CAMK2D: variants seen among roughly 807,000 people sequenced by gnomAD.
CAMK2D encodes calcium/calmodulin dependent protein kinase II delta.
In CAMK2D, 37 loss-of-function variants were observed where a neutral mutation model predicts 84.0. That is an observed-to-expected ratio of 0.44 (90% CI 0.34 to 0.58). The LOEUF (loss-of-function observed/expected upper bound fraction) is 0.58, where lower values mean the gene tolerates loss of function less well. CAMK2D is among the 20% of genes least tolerant of loss of function. CAMK2D has a pLI of 0.02. For missense variants in CAMK2D, 448 were observed against 652.5 expected (o/e 0.69, Z 3.41); for synonymous variants, 202 against 212.5 (o/e 0.95, Z 0.43).
intron 3 of CAMK2D, among the ~76,000 whole-genome samples, chr4:113,625,087 A>T (rs185955136): frequency 6.6e-6 from 1 of 152,304 alleles, no homozygotes; most frequent in Non-Finnish European, 1.5e-5. Flanking sequence ...GAGCAGATAC[A>T]GGAGGTAGCA....
intron 3 of CAMK2D, among the ~76,000 whole-genome samples, chr4:113,612,056 G>C (rs907873576): frequency 6.6e-6 from 1 of 151,814 alleles, no homozygotes; most frequent in East Asian, 1.9e-4. Flanking sequence ...TGAAAAAACA[G>C]AATTATAAGA....
In CAMK2D at chr4:113,542,912, T is replaced by C. The variant is rs562327597; in HGVS notation, c.414+4732A>G. On this transcript the variant is annotated intron_variant, in intron 6 of 20. Transcript: ENST00000511664. The stretch of plus-strand genomic sequence containing the variant: ...TCATCTATCCATCCGTCCAATGACA[T>C]TTCCATTAAGTAATGTTCTTCTGAA... Among the ~76,000 whole-genome samples, 4 of 152,300 alleles carry C rather than the reference T, an allele frequency of 2.6e-5. No homozygotes were observed. The East Asian group carries it at 5.8e-4, about 22-fold the overall frequency.
intron 1 of CAMK2D, among the ~76,000 whole-genome samples, chr4:113,759,986 A>G (rs549746889): frequency 6.6e-6 from 1 of 152,236 alleles, no homozygotes; most frequent in Non-Finnish European, 1.5e-5. Context: ...TTTTAACACC[A>G]GACAATATAT....
intron 2 of CAMK2D, among the ~76,000 whole-genome samples, chr4:113,694,086 T>C (rs1253644643): frequency 6.6e-6 from 1 of 152,186 alleles, no homozygotes; most frequent in Non-Finnish European, 1.5e-5. Context: ...TCATTATCCA[T>C]ATCAGCTAAC....
rs140347648 is a variant in CAMK2D, at chr4:113,559,691, G to A, written c.276-7595C>T. Among the ~76,000 whole-genome samples the A allele has an allele frequency of 2.6e-5, 4 of 152,340 alleles. No homozygotes were observed. In the East Asian group the frequency reaches 5.8e-4, roughly 22 times the overall value. On this transcript the variant is annotated intron_variant, in intron 4 of 20. Coordinates refer to ENST00000511664, the MANE Select transcript of CAMK2D (RefSeq NM_001321571.2). Reference sequence around the variant, plus strand: ...ATCACAGTTAAATTGTGTTTCACACGTTAATTGGGATGAAATCGTTTCTGT... The same window carrying A: ...ATCACAGTTAAATTGTGTTTCACACATTAATTGGGATGAAATCGTTTCTGT...
chr4:113,663,927 A>G (rs1461590970), intron 2 of CAMK2D, among the ~76,000 whole-genome samples: 2 of 152,110 alleles, frequency 1.3e-5, no homozygotes, highest in Non-Finnish European at 2.9e-5. Flanking sequence ...ATGTGACTGT[A>G]TTTGGAGATG....
intron 4 of CAMK2D, among the ~76,000 whole-genome samples, chr4:113,579,189 G>A (rs1335522619): frequency 6.6e-6 from 1 of 152,202 alleles, no homozygotes; most frequent in Non-Finnish European, 1.5e-5. Context: ...TCTGTAAGCA[G>A]AAATGGCTAG....
chr4:113,643,049 T>C lies in CAMK2D; in HGVS notation c.220+18664A>G, dbSNP rs148055376. On this transcript the variant is annotated intron_variant, in intron 3 of 20. Coordinates refer to ENST00000511664, the MANE Select transcript of CAMK2D (RefSeq NM_001321571.2). Reference sequence around the variant, plus strand: ...ACCAAATCATTTACAAATAGATATGTAACAAAAGAAGAGCAGAAACTATCT... The same window carrying C: ...ACCAAATCATTTACAAATAGATATGCAACAAAAGAAGAGCAGAAACTATCT... 4.0e-3 allele frequency among the ~76,000 whole-genome samples: 609 copies of C among 152,298 alleles called. 4 individuals are homozygous for C. The highest frequency in any genetic ancestry group is 0.01 in the Middle Eastern group (3 of 292).
chr4:113,578,415 G>C (rs1361819291), intron 4 of CAMK2D, among the ~76,000 whole-genome samples: 1 of 152,164 alleles, frequency 6.6e-6, no homozygotes, highest in Non-Finnish European at 1.5e-5. Flanking sequence ...TAATGACCAA[G>C]CCACACTGTG....
At chr4:113,741,375 T>C (rs72678801) in intron 2 of CAMK2D, among the ~76,000 whole-genome samples, 6,556 of 152,316 alleles carry the variant, frequency 0.043, 271 homozygotes, top group African/African-American at 0.094. Flanking sequence ...AAAAGTTACA[T>C]GCACAGAATA....
At chr4:113,513,212 C>G in intron 12 of CAMK2D, 116 bp downstream of exon 12, 1 of 1,541,720 alleles carries the variant, frequency 6.5e-7, no homozygotes, top group Non-Finnish European at 8.7e-7. Flanking sequence ...CATTTGCCAC[C>G]CCTGAACAAT....
chr4:113,730,232 T>C (rs1478359297), intron 2 of CAMK2D, among the ~76,000 whole-genome samples: 1 of 152,246 alleles, frequency 6.6e-6, no homozygotes, highest in Non-Finnish European at 1.5e-5. Context: ...AGCAAATTCA[T>C]TTCAACAACA....
chr4:113,747,836 A>G (rs191780489), intron 2 of CAMK2D, among the ~76,000 whole-genome samples: 3 of 152,064 alleles, frequency 2.0e-5, no homozygotes, highest in African/African-American at 7.2e-5. Flanking sequence ...GCCATACTTA[A>G]TGATTCGTTG....
chr4:113,523,334 A>G (rs530898369), intron 8 of CAMK2D, among the ~76,000 whole-genome samples: 6 of 152,294 alleles, frequency 3.9e-5, no homozygotes, highest in African/African-American at 1.2e-4. Context: ...TGTTGCATCA[A>G]CATCACCTGG....
intron 2 of CAMK2D, among the ~76,000 whole-genome samples, chr4:113,692,297 C>T (rs1337015125): frequency 6.6e-6 from 1 of 152,032 alleles, no homozygotes; most frequent in Admixed American, 6.6e-5. Flanking sequence ...AATTTGATAT[C>T]GTTCACTACA....
chr4:113,610,218 C>T (rs544080217), intron 3 of CAMK2D, among the ~76,000 whole-genome samples: 1 of 152,118 alleles, frequency 6.6e-6, no homozygotes, highest in African/African-American at 2.4e-5. Context: ...ACCTTCCAAC[C>T]TCTGGTAGCC....
At chr4:113,723,452 G>A (rs1405688404) in intron 2 of CAMK2D, among the ~76,000 whole-genome samples, 1 of 152,038 alleles carries the variant, frequency 6.6e-6, no homozygotes, top group Non-Finnish European at 1.5e-5. Flanking sequence ...TCGAACTCAT[G>A]GCCTCAAGTG....
chr4:113,693,283 C>A (rs2099393642), intron 2 of CAMK2D, among the ~76,000 whole-genome samples: 1 of 152,110 alleles, frequency 6.6e-6, no homozygotes, highest in Non-Finnish European at 1.5e-5. Context: ...TAAAAAATTC[C>A]TAGGAGACCA....
Position 113,513,386 on chromosome 4 carries a change from G to T in CAMK2D, c.904-16C>A. On this transcript the variant is annotated splice_polypyrimidine_tract_variant and intron_variant, in intron 11 of 20. Transcript: ENST00000511664. ...AGATGGCACCCTGTGAAAAAAATTA[G>T]AACACAAAAGTCAGTGTTGCCTATG... 6.4e-7 allele frequency: 1 copy of T among 1,572,480 alleles called. No homozygotes were observed. Among genetic ancestry groups the T allele is most frequent in the Non-Finnish European group, 8.8e-7 (1 of 1,142,306 alleles).
Sources: gnomAD v4.1 joint callset for allele counts (sites outside exome capture counted in the v4.1 genomes callset) on GRCh38, gnomAD v4.1.1 for gene constraint, MANE v1.5 for transcripts, NCBI Gene and HGNC (gene_info 2026-07-23, HGNC 2026-07-21) for gene names.